The following KIRREL1 variants were observed in gnomAD, a reference collection of about 807,000 sequenced individuals.
KIRREL1 encodes the protein kirre like nephrin family adhesion molecule 1.
Under a neutral mutation model 83.3 loss-of-function variants are expected in KIRREL1, and 25 were observed. The observed-to-expected ratio is 0.30, with a 90% confidence interval of 0.22 to 0.42. The LOEUF is 0.42. Ranked by LOEUF, KIRREL1 falls within the 10% of genes least tolerant of loss-of-function variation. The pLI, the probability that KIRREL1 is intolerant of heterozygous loss-of-function variation, is 1.00. For synonymous variants in KIRREL1, 388 were observed against 410.4 expected, an observed-to-expected ratio of 0.95 and a Z score of 0.66; for missense variants, 812 against 1,032.3, an observed-to-expected ratio of 0.79 and a Z score of 2.92.
intron 1 of KIRREL1, among the ~76,000 whole-genome samples, chr1:158,068,560 G>A (rs1418650418): frequency 6.6e-6 from 1 of 152,188 alleles, no homozygotes; most frequent in East Asian, 1.9e-4. Flanking sequence ...CCCTTGCCAG[G>A]TTTCTTTCTC....
At chr1:158,089,317 G>A (rs576172411) in intron 8 of KIRREL1, 185 bp from the exon 9 acceptor site, 776 of 799,738 alleles carry the variant, frequency 9.7e-4, no homozygotes, top group Non-Finnish European at 1.3e-3. Flanking sequence ...GAGATGGTGT[G>A]TTTACGTGCC....
chr1:158,054,212 C>CAAAA (rs57034495), intron 1 of KIRREL1, among the ~76,000 whole-genome samples: 25 of 85,096 alleles, frequency 2.9e-4, no homozygotes, highest in Non-Finnish European at 4.5e-4. Context: ...GACTCCATCT[C>CAAAA]AAAAAAAAAA....
In KIRREL1 at chr1:158,093,666, G is replaced by A. The variant is rs1219109780; in HGVS notation, c.1623G>A (p.Glu541=). ...TGAGGAAGCTGGATATCAAGGTGGA[G>A]ACAGTGAACCGAGAGCCACTTACGA... ...VTLRKLDIKV[E]TVNREPLTMH... Residue 541 remains glutamate (E), a synonymous_variant, in exon 13 of 15, where the codon GAG becomes GAA. Coordinates refer to ENST00000359209, the MANE Select transcript of KIRREL1 (RefSeq NM_018240.7). 1.9e-6 allele frequency: 3 copies of A among 1,614,188 alleles called. No individual in the cohort carries two copies. The highest frequency in any genetic ancestry group is 1.7e-5 in the Admixed American group (1 of 60,020).
intron 1 of KIRREL1, among the ~76,000 whole-genome samples, chr1:158,072,260 G>A (rs1390711234): frequency 4.6e-5 from 7 of 152,108 alleles, no homozygotes; most frequent in Admixed American, 4.6e-4. Context: ...GGGGTCAGGG[G>A]CATGCTCTGC....
intron 11 of KIRREL1, 143 bp from the exon 12 acceptor site, chr1:158,093,196 T>C (rs1662251127): frequency 2.9e-6 from 2 of 701,442 alleles, no homozygotes; most frequent in Non-Finnish European, 5.1e-6. Context: ...AACCTAACAC[T>C]GTCCCCAGGC....
intron 1 of KIRREL1, among the ~76,000 whole-genome samples, chr1:158,046,603 AGAG>A (rs1409238097): frequency 3.9e-5 from 6 of 152,132 alleles, no homozygotes; most frequent in African/African-American, 1.4e-4. Flanking sequence ...TTCAACAAGA[AGAG>A]GAGGAGGAGG....
chr1:158,056,123 C>T (rs929305387), intron 1 of KIRREL1, among the ~76,000 whole-genome samples: 1 of 152,206 alleles, frequency 6.6e-6, no homozygotes, highest in Non-Finnish European at 1.5e-5. Flanking sequence ...CTCGCCCCCC[C>T]TCATCCTGCC....
intron 1 of KIRREL1, among the ~76,000 whole-genome samples, chr1:158,015,159 T>C (rs1230846706): frequency 1.3e-5 from 2 of 152,112 alleles, no homozygotes; most frequent in Admixed American, 1.3e-4. Flanking sequence ...CCTCACCCCA[T>C]CTCCTTAGGG....
chr1:158,025,905 A>G (rs1660155868), intron 1 of KIRREL1, among the ~76,000 whole-genome samples: 1 of 151,978 alleles, frequency 6.6e-6, no homozygotes, highest in Non-Finnish European at 1.5e-5. Context: ...CTCCCCCAGC[A>G]GAAGGGCTGG....
At position 158,094,468 on chromosome 1, in the gene KIRREL1, G is replaced by C; in HGVS notation, c.1797+78G>C. ...CTGAGGTCCTGTAGCGGGGAGGTGA[G>C]GTGAGGACAGACTTGGGGAGGAGTG... On this transcript the variant is annotated intron_variant, in intron 14 of 14. Transcript: ENST00000359209. The surrounding 1 kb of genome is among the most constrained non-coding windows in gnomAD (Gnocchi z 4.6). 2.8e-6 allele frequency: 4 copies of C among 1,446,410 alleles called. No individual in the cohort carries two copies. In the Admixed American group the frequency reaches 7.1e-5, roughly 26 times the overall value. 89.6% of individuals were successfully genotyped at this position (1,446,410 alleles called of 1,614,324 possible).
intron 1 of KIRREL1, among the ~76,000 whole-genome samples, chr1:158,016,442 G>C (rs1659828169): frequency 6.6e-6 from 1 of 152,156 alleles, no homozygotes; most frequent in African/African-American, 2.4e-5. Context: ...TCAAAGGCCA[G>C]CAGTTAAAGG....
At chr1:158,051,109 C>T (rs1660898569) in intron 1 of KIRREL1, among the ~76,000 whole-genome samples, 1 of 152,194 alleles carries the variant, frequency 6.6e-6, no homozygotes, top group Non-Finnish European at 1.5e-5. Flanking sequence ...TGCATTGAAT[C>T]AACTGTTCTG....
At chr1:158,019,279 A>T (rs1018688891) in intron 1 of KIRREL1, among the ~76,000 whole-genome samples, 1 of 152,150 alleles carries the variant, frequency 6.6e-6, no homozygotes, top group Non-Finnish European at 1.5e-5. Context: ...TGCTCCTGTG[A>T]TGTTAGAGGA....
At position 157,994,389 on chromosome 1, in the gene KIRREL1, G is replaced by A. The variant is rs74122601; in HGVS notation, c.52+661G>A. ...AGCTTCAGGCCCGCTTGATACAGAG[G>A]GGGGGAACTCACGGGGGCGGGGGCA... On this transcript the variant is annotated intron_variant, in intron 1 of 14. Coordinates refer to ENST00000359209, the MANE Select transcript of KIRREL1 (RefSeq NM_018240.7). 6.3e-3 allele frequency among the ~76,000 whole-genome samples: 958 copies of A among 151,032 alleles called. 15 individuals carry two copies. The highest frequency in any genetic ancestry group is 0.022 in the African/African-American group (882 of 41,008).
intron 3 of KIRREL1, among the ~76,000 whole-genome samples, chr1:158,080,924 C>CATTTGTTTATCCTCTTCG (rs1661832540): frequency 1.0e-5 from 1 of 99,632 alleles, no homozygotes; most frequent in African/African-American, 3.4e-5. Flanking sequence ...AGAGACTAGG[C>CATTTGTTTATCCTCTTCG]AGGGCAGAAA....
At position 158,094,461 on chromosome 1, in the gene KIRREL1, G is replaced by C; in HGVS notation, c.1797+71G>C. On this transcript the variant is annotated intron_variant, in intron 14 of 14. Coordinates refer to ENST00000359209, the MANE Select transcript of KIRREL1 (RefSeq NM_018240.7). The surrounding 1 kb of genome is among the most constrained non-coding windows in gnomAD (Gnocchi z 4.6). ...TGGGTTTCTGAGGTCCTGTAGCGGG[G>C]AGGTGAGGTGAGGACAGACTTGGGG... is the stretch of plus-strand genomic sequence containing the variant. The C allele has an allele frequency of 6.8e-7, 1 of 1,460,220 alleles. No individual in the cohort carries two copies. Among genetic ancestry groups the C allele is most frequent in the Non-Finnish European group, 9.6e-7 (1 of 1,045,806 alleles). The allele number at this position is 1,460,220 out of a possible 1,614,324, so 90.5% of individuals were successfully genotyped here.
In KIRREL1 at chr1:158,095,137, G is replaced by A; in HGVS notation, c.*17G>A. 4.5e-6 allele frequency: 7 copies of A among 1,547,518 alleles called. No homozygotes were observed. Among genetic ancestry groups the A allele is most frequent in the Non-Finnish European group, 6.2e-6 (7 of 1,133,358 alleles). On this transcript the variant is annotated 3_prime_UTR_variant, in exon 15 of 15. Transcript: ENST00000359209. ...CACGTGTAGGGGCCAGAGCCTGGCTGGGGCATCTCTGCGGGGCAGAGGAGA... is the reference window on the plus strand; with the variant it reads ...CACGTGTAGGGGCCAGAGCCTGGCTAGGGCATCTCTGCGGGGCAGAGGAGA...
At chr1:157,995,475 T>C (rs1571520236) in intron 1 of KIRREL1, among the ~76,000 whole-genome samples, 1 of 137,962 alleles carries the variant, frequency 7.2e-6, no homozygotes, top group Non-Finnish European at 1.6e-5. Flanking sequence ...AGGAAGGGGG[T>C]GGGCCATGGT....
chr1:158,088,934 A>G (rs1342392390), intron 8 of KIRREL1, among the ~76,000 whole-genome samples: 1 of 151,728 alleles, frequency 6.6e-6, no homozygotes, highest in East Asian at 1.9e-4. Context: ...ATCTTCTCAC[A>G]GGAAAGCCCA....
Sources: gnomAD v4.1 joint callset for allele counts (sites outside exome capture counted in the v4.1 genomes callset) on GRCh38, gnomAD v4.1.1 for gene constraint, Gnocchi (gnomAD v3.1) non-coding constraint, MANE v1.5 for transcripts, NCBI Gene and HGNC (gene_info 2026-07-23, HGNC 2026-07-21) for gene names.